The following EPS15L1 variants were observed in gnomAD, a reference collection of about 807,000 sequenced individuals.
EPS15L1 encodes epidermal growth factor receptor substrate 15-like 1.
A neutral mutation model predicts 117.1 loss-of-function variants in EPS15L1; 43 were observed. That is an observed-to-expected ratio of 0.37 (90% CI 0.29 to 0.47). EPS15L1 has a LOEUF of 0.47. EPS15L1 is among the 20% of genes least tolerant of loss of function. The pLI is 0.99. For synonymous variants in EPS15L1, 459 were observed against 470.5 expected (o/e 0.98, Z 0.32); for missense variants, 981 against 1,164.0 (o/e 0.84, Z 2.29).
chr19:16,378,195 C>G (rs528182638), intron 21 of EPS15L1, among the ~76,000 whole-genome samples: 1 of 152,102 alleles, frequency 6.6e-6, no homozygotes, highest in African/African-American at 2.4e-5. Context: ...GTGGCGACGT[C>G]TTGCAGGTAG....
chr19:16,432,501 G>C (rs1304906182), intron 7 of EPS15L1, among the ~76,000 whole-genome samples: 1 of 152,120 alleles, frequency 6.6e-6, no homozygotes, highest in Non-Finnish European at 1.5e-5. Context: ...CCAGGAGGCG[G>C]AGCTTGCAGT....
rs1385670103 is a variant in EPS15L1, at chr19:16,408,464, ATTTGTAAAAATACAAATTTTTACAAAAT to A, written c.1267-3743_1267-3716del. Among the ~76,000 whole-genome samples the A allele has an allele frequency of 6.9e-5, 10 of 145,030 alleles. No individual in the cohort carries two copies. In the East Asian group the frequency reaches 1.6e-3, roughly 24 times the overall value. On this transcript the variant is annotated intron_variant, in intron 13 of 23. Coordinates refer to ENST00000455140, the MANE Select transcript of EPS15L1 (RefSeq NM_001258374.3). Reference sequence around the variant, plus strand: ...CATGGTGAAACCCAGTAAAATACAAATTTGTAAAAATACAAATTTTTACAAAATTTTGTAAAAATACAAAAATTAGCTG... The same window carrying A: ...CATGGTGAAACCCAGTAAAATACAAATTTGTAAAAATACAAAAATTAGCTG...
rs2092357444 is a variant in EPS15L1 at position 16,381,111 on chromosome 19, T to C, written c.2248-3857A>G. Among the ~76,000 whole-genome samples the C allele has an allele frequency of 6.6e-6, 1 of 152,230 alleles. No homozygotes were observed. The highest frequency in any genetic ancestry group is 2.1e-4 in the South Asian group (1 of 4,834). On this transcript the variant is annotated intron_variant, in intron 21 of 23. Transcript: ENST00000455140. The surrounding 1 kb of genome is among the most constrained non-coding windows in gnomAD (Gnocchi z 4.2). The stretch of plus-strand genomic sequence containing the variant: ...TGCACAGATGACCCCACCAGATCCC[T>C]TCCCTGGGCTTCACGCCGCCCTCTG...
intron 1 of EPS15L1, among the ~76,000 whole-genome samples, chr19:16,447,624 G>A (rs747133817): frequency 1.4e-4 from 21 of 152,096 alleles, no homozygotes; most frequent in Non-Finnish European, 2.1e-4. Flanking sequence ...GCCAGGCATG[G>A]TGGCAGGTGC....
At chr19:16,441,173 A>G (rs1159853106) in intron 3 of EPS15L1, 12 of 505,276 alleles carry the variant, frequency 2.4e-5, no homozygotes, top group African/African-American at 1.2e-4. Context: ...TCTTCCCCCA[A>G]CTAAAGTCCG....
chr19:16,441,053 A>T, intron 3 of EPS15L1, 144 bp from the exon 4 acceptor site: 2 of 800,518 alleles, frequency 2.5e-6, no homozygotes, highest in Admixed American at 3.5e-5. Context: ...GAAGAAGCCA[A>T]TTCAGAGCAG....
intron 22 of EPS15L1, among the ~76,000 whole-genome samples, chr19:16,375,514 G>C (rs1455137066): frequency 6.6e-6 from 1 of 151,966 alleles, no homozygotes; most frequent in Non-Finnish European, 1.5e-5. Context: ...CCATCTTTTA[G>C]GCAGAGTGAA....
In EPS15L1 at chr19:16,402,004, A is replaced by T. The variant is rs960707347; in HGVS notation, c.1791+317T>A. On this transcript the variant is annotated intron_variant, in intron 16 of 23. Coordinates refer to ENST00000455140, the MANE Select transcript of EPS15L1 (RefSeq NM_001258374.3). Reference sequence around the variant, plus strand: ...GCAGAAACTGATCCAATTTTGGTTAAGTTTGAGAAGCCCTCTGAACTTGGG... The same window carrying T: ...GCAGAAACTGATCCAATTTTGGTTATGTTTGAGAAGCCCTCTGAACTTGGG... 7.2e-6 allele frequency: 8 copies of T among 1,106,594 alleles called. No individual in the cohort carries two copies. The African/African-American group carries it at 1.3e-4, about 18-fold the overall frequency. 68.5% of individuals were successfully genotyped at this position (1,106,594 alleles called of 1,614,324 possible). A position where few individuals can be genotyped will look rare whatever the true frequency, so the allele number is the denominator to read the frequency against.
chr19:16,461,627 A>G (rs1008872564), intron 1 of EPS15L1, among the ~76,000 whole-genome samples: 8 of 140,024 alleles, frequency 5.7e-5, no homozygotes, highest in African/African-American at 2.4e-4. Context: ...GTCTCAAAAA[A>G]AAGAAAGAAA....
intron 4 of EPS15L1, among the ~76,000 whole-genome samples, chr19:16,440,456 T>C (rs2093020366): frequency 6.6e-6 from 1 of 151,880 alleles, no homozygotes; most frequent in Non-Finnish European, 1.5e-5. Context: ...ATAACACCAA[T>C]GTTATTTTCT....
Position 16,470,386 on chromosome 19 carries a change from CA to C in EPS15L1, c.33+1526del, listed in dbSNP as rs1046298705. Among the ~76,000 whole-genome samples, 122 of 141,152 alleles carry C rather than the reference CA, an allele frequency of 8.6e-4. 1 individual carries two copies. The Middle Eastern group carries it at 0.011, about 12-fold the overall frequency. The allele number at this position is 141,152 out of a possible 152,430, so 92.6% of individuals were successfully genotyped here. ...TGGGTGACAGAGCAATACTCCATCT[CA>C]AAAAAAAAAAAATTGGACAGGAAGT... On this transcript the variant is annotated intron_variant, in intron 1 of 23. Transcript: ENST00000455140.
intron 13 of EPS15L1, among the ~76,000 whole-genome samples, chr19:16,410,684 C>A (rs2092698635): frequency 6.6e-6 from 1 of 152,098 alleles, no homozygotes; most frequent in Admixed American, 6.5e-5. Context: ...CCGAGGCAGG[C>A]AGATTGCTTT....
intron 19 of EPS15L1, among the ~76,000 whole-genome samples, chr19:16,387,325 G>A (rs1185105816): frequency 2.0e-5 from 3 of 152,142 alleles, no homozygotes. Flanking sequence ...TTGGCCAGGC[G>A]GGCAAGGCAC....
chr19:16,355,799 G>A lies in EPS15L1; in HGVS notation c.2639C>T (p.Ala880Val), dbSNP rs1331089141. 10 of 1,536,118 alleles carry A rather than the reference G, an allele frequency of 6.5e-6. No individual in the cohort carries two copies. Among genetic ancestry groups the A allele is most frequent in the Non-Finnish European group, 8.7e-6 (10 of 1,146,852 alleles). ...CAGCCGCGCCAGCCTCTCCTGTTCC[G>A]CCTTCTCGCTCTCCCGCTTGGCCCA... ...LAWAKRESEK[A>V]EQERLARLRR... Residue 880 changes from alanine to valine, a missense_variant, in exon 24 of 24, where the codon GCG (alanine) becomes GTG (valine). Transcript: ENST00000455140.
intron 15 of EPS15L1, 149 bp downstream of exon 15, chr19:16,403,584 C>T: frequency 1.4e-6 from 1 of 739,258 alleles, no homozygotes; most frequent in Non-Finnish European, 2.2e-6. Context: ...GTCCTTGGCC[C>T]TGCGCCTCCA....
intron 5 of EPS15L1, among the ~76,000 whole-genome samples, chr19:16,437,444 T>C (rs941628387): frequency 2.0e-5 from 3 of 152,090 alleles, no homozygotes; most frequent in African/African-American, 4.8e-5. Context: ...GGCAAATCCA[T>C]TGACAGAAAT....
intron 13 of EPS15L1, chr19:16,412,844 C>T: frequency 1.9e-6 from 1 of 536,230 alleles, no homozygotes; most frequent in South Asian, 1.6e-5. Context: ...GGCCACGGAG[C>T]TTGCAGAGGC....
At chr19:16,425,782 G>A (rs933529337) in intron 8 of EPS15L1, among the ~76,000 whole-genome samples, 29 of 152,216 alleles carry the variant, frequency 1.9e-4, no homozygotes, top group African/African-American at 6.5e-4. Context: ...TCCAGCCTGG[G>A]TGACAGAGCG....
intron 16 of EPS15L1, chr19:16,401,312 G>A: frequency 1.0e-6 from 1 of 985,236 alleles, no homozygotes; most frequent in Non-Finnish European, 1.2e-6. Context: ...GGACTTGGCT[G>A]CTGAGAAAAG....
Sources: allele counts gnomAD v4.1 joint callset (sites outside exome capture counted in the v4.1 genomes callset), GRCh38; gene constraint gnomAD v4.1.1; non-coding constraint Gnocchi (gnomAD v3.1); transcripts MANE v1.5; gene names NCBI Gene and HGNC (gene_info 2026-07-23, HGNC 2026-07-21).